Variants in ARHGAP15 observed in about 807,000 individuals in gnomAD.
ARHGAP15 encodes the protein Rho GTPase activating protein 15.
A neutral mutation model predicts 63.7 loss-of-function variants in ARHGAP15; 51 were observed. The ratio of observed to expected loss-of-function variants is 0.80; its 90% CI spans 0.64 to 1.01. The LOEUF is 1.01. Among genes scored for constraint, ARHGAP15 ranks in the 50% least tolerant of loss-of-function variants. The pLI, the probability that ARHGAP15 is intolerant of heterozygous loss-of-function variation, is 0.00. For synonymous variants in ARHGAP15, 191 were observed against 193.8 expected, an observed-to-expected ratio of 0.99 and a Z score of 0.12; for missense variants, 560 against 564.6, an observed-to-expected ratio of 0.99 and a Z score of 0.08.
At chr2:143,244,771 A>G (rs1414911792) in intron 5 of ARHGAP15, among the ~76,000 whole-genome samples, 1 of 152,200 alleles carries the variant, frequency 6.6e-6, no homozygotes, top group Non-Finnish European at 1.5e-5. Flanking sequence ...ACAGAGAATG[A>G]ATTGCAAGGG....
At chr2:143,552,523 T>C (rs1287917218) in intron 10 of ARHGAP15, among the ~76,000 whole-genome samples, 1 of 150,590 alleles carries the variant, frequency 6.6e-6, no homozygotes, top group East Asian at 2.0e-4. Context: ...CCTAATTGTG[T>C]GTCTATCCCA....
intron 1 of ARHGAP15, among the ~76,000 whole-genome samples, chr2:143,136,386 A>G (rs1188208569): frequency 2.0e-5 from 3 of 152,034 alleles, no homozygotes; most frequent in African/African-American, 7.2e-5. Flanking sequence ...AAGTGAATAC[A>G]GCACAACATG....
chr2:143,542,783 A>AT (rs1365311154), intron 10 of ARHGAP15, among the ~76,000 whole-genome samples: 3 of 128,742 alleles, frequency 2.3e-5, no homozygotes, highest in African/African-American at 9.4e-5. Flanking sequence ...TATATATGAT[A>AT]TATATAATAT....
intron 6 of ARHGAP15, among the ~76,000 whole-genome samples, chr2:143,252,690 C>A (rs757648818): frequency 6.6e-6 from 1 of 151,936 alleles, no homozygotes. Flanking sequence ...CTTTTCATCA[C>A]CTAAATGCAT....
At chr2:143,634,282 T>C (rs565843492) in intron 12 of ARHGAP15, among the ~76,000 whole-genome samples, 26 of 152,176 alleles carry the variant, frequency 1.7e-4, no homozygotes, top group African/African-American at 6.3e-4. Context: ...GGGAAGTCTC[T>C]CATCAGCTAA....
chr2:143,443,815 C>G (rs1386365686), intron 8 of ARHGAP15, among the ~76,000 whole-genome samples: 1 of 152,172 alleles, frequency 6.6e-6, no homozygotes, highest in African/African-American at 2.4e-5. Flanking sequence ...CACTATGGCC[C>G]TGTGTGACTC....
At chr2:143,268,828 G>T (rs1041538644) in intron 6 of ARHGAP15, among the ~76,000 whole-genome samples, 1 of 151,994 alleles carries the variant, frequency 6.6e-6, no homozygotes, top group Admixed American at 6.6e-5. Flanking sequence ...GATAGAAGAA[G>T]AAATTGGCAC....
intron 5 of ARHGAP15, among the ~76,000 whole-genome samples, chr2:143,243,233 T>G (rs1693929163): frequency 6.6e-6 from 1 of 152,150 alleles, no homozygotes; most frequent in Admixed American, 6.5e-5. Flanking sequence ...TCCCACAGGT[T>G]TAATCTAAGT....
At chr2:143,230,749 G>A (rs983896212) in intron 5 of ARHGAP15, among the ~76,000 whole-genome samples, 2 of 152,200 alleles carry the variant, frequency 1.3e-5, no homozygotes, top group African/African-American at 4.8e-5. Context: ...CAGTCTTAGA[G>A]AAACGATACA....
intron 13 of ARHGAP15, among the ~76,000 whole-genome samples, chr2:143,727,276 T>C (rs982706803): frequency 1.3e-5 from 2 of 152,242 alleles, no homozygotes; most frequent in African/African-American, 2.4e-5. Context: ...GTACTCAGCC[T>C]ACAGTTCACA....
At chr2:143,722,594 A>G (rs917669122) in intron 13 of ARHGAP15, among the ~76,000 whole-genome samples, 2 of 152,266 alleles carry the variant, frequency 1.3e-5, no homozygotes, top group East Asian at 3.8e-4. Context: ...CTAATGTAAC[A>G]GGAAGGGAAC....
chr2:143,544,496 T>C lies in ARHGAP15; in HGVS notation c.926-11912T>C, dbSNP rs553531671. On this transcript the variant is annotated intron_variant, in intron 10 of 13. Coordinates refer to ENST00000295095, the MANE Select transcript of ARHGAP15 (RefSeq NM_018460.4). The stretch of plus-strand genomic sequence containing the variant: ...CTACACACATGTGTATATATGTATA[T>C]GTATATAAACACATAAAATAGTTGG... Among the ~76,000 whole-genome samples the C allele has an allele frequency of 4.6e-4, 70 of 152,340 alleles. 1 individual carries two copies. The highest frequency in any genetic ancestry group is 2.9e-3 in the South Asian group (14 of 4,828).
chr2:143,740,697 T>G (rs1685929542), intron 13 of ARHGAP15, among the ~76,000 whole-genome samples: 1 of 152,090 alleles, frequency 6.6e-6, no homozygotes, highest in Non-Finnish European at 1.5e-5. Flanking sequence ...GCTGTCTTAT[T>G]GTAGAATAAA....
chr2:143,242,227 G>C (rs376534455), intron 5 of ARHGAP15, among the ~76,000 whole-genome samples: 10 of 152,284 alleles, frequency 6.6e-5, no homozygotes, highest in African/African-American at 2.2e-4. Flanking sequence ...AGCCTAGGGG[G>C]AAAGTCTGGT....
At chr2:143,172,801 G>A (rs1397387530) in intron 2 of ARHGAP15, among the ~76,000 whole-genome samples, 1 of 152,102 alleles carries the variant, frequency 6.6e-6, no homozygotes, top group Non-Finnish European at 1.5e-5. Context: ...AAGTGTCATA[G>A]GGACAATCAA....
chr2:143,223,374 T>C (rs561824258), intron 4 of ARHGAP15, among the ~76,000 whole-genome samples: 1 of 152,208 alleles, frequency 6.6e-6, no homozygotes, highest in African/African-American at 2.4e-5. Flanking sequence ...TGGAAACTGA[T>C]GGCTGTCTCC....
chr2:143,362,501 AT>A (rs1355833925), intron 6 of ARHGAP15, among the ~76,000 whole-genome samples: 1 of 152,112 alleles, frequency 6.6e-6, no homozygotes, highest in Non-Finnish European at 1.5e-5. Flanking sequence ...TATTTCCTTA[AT>A]ATCTGCAATA....
chr2:143,147,476 T>C (rs1411865007), intron 1 of ARHGAP15, among the ~76,000 whole-genome samples: 1 of 152,072 alleles, frequency 6.6e-6, no homozygotes, highest in Non-Finnish European at 1.5e-5. Flanking sequence ...CTAAGAAGAT[T>C]GCCATTTTAT....
intron 12 of ARHGAP15, chr2:143,648,811 C>T (rs140793515): frequency 1.3e-4 from 20 of 151,976 alleles, no homozygotes; most frequent in African/African-American, 4.3e-4. Context: ...CAAAGAAAAT[C>T]CTTTGCTCAT....
Sources: allele counts gnomAD v4.1 joint callset (sites outside exome capture counted in the v4.1 genomes callset), GRCh38; gene constraint gnomAD v4.1.1; transcripts MANE v1.5; gene names NCBI Gene and HGNC (gene_info 2026-07-23, HGNC 2026-07-21).